The following C11orf65 variants were observed in gnomAD, a reference collection of about 807,000 sequenced individuals.
C11orf65 encodes the protein protein MFI.
In C11orf65, 38 loss-of-function variants were observed where a neutral mutation model predicts 35.3. The observed-to-expected ratio is 1.08, with a 90% CI of 0.83 to 1.41. C11orf65 has a LOEUF of 1.41. Ranked by LOEUF, C11orf65 falls within the 40% of genes most tolerant of loss-of-function variation. The pLI, the probability that C11orf65 is intolerant of heterozygous loss-of-function variation, is 0.00. For missense variants in C11orf65, 370 were observed against 367.1 expected (o/e 1.01, Z -0.06); for synonymous variants, 105 against 114.4 (o/e 0.92, Z 0.53).
chr11:108,391,731 A>G (rs1373839933), intron 7 of C11orf65, among the ~76,000 whole-genome samples: 3 of 151,128 alleles, frequency 2.0e-5, no homozygotes, highest in Admixed American at 1.3e-4. Context: ...CCTGCACCCC[A>G]TAGCCACCAC....
chr11:108,422,459 T>C (rs2092833536), intron 3 of C11orf65, among the ~76,000 whole-genome samples: 1 of 152,200 alleles, frequency 6.6e-6, no homozygotes, highest in South Asian at 2.1e-4. Flanking sequence ...AATAGACCAA[T>C]GGAACAGACC....
At chr11:108,406,246 TTAAA>T (rs1361571332) in intron 5 of C11orf65, among the ~76,000 whole-genome samples, 1 of 152,264 alleles carries the variant, frequency 6.6e-6, no homozygotes, top group African/African-American at 2.4e-5. Context: ...TAGTTTATTA[TTAAA>T]CAAATGAATG....
chr11:108,377,513 C>G (rs1337268090), intron 2 of C11orf65, among the ~76,000 whole-genome samples: 6 of 152,234 alleles, frequency 3.9e-5, no homozygotes, highest in East Asian at 1.9e-4. Context: ...GACAGTCCCA[C>G]AGCCAATATC....
At chr11:108,331,736 CT>C in intron 3 of C11orf65, 1 of 1,287,122 alleles carries the variant, frequency 7.8e-7, no homozygotes, top group Non-Finnish European at 1.1e-6. Context: ...AGGCCTCTGC[CT>C]TTTTCTCACA....
chr11:108,333,100 A>G (rs747476611), intron 3 of C11orf65, among the ~76,000 whole-genome samples: 4 of 152,184 alleles, frequency 2.6e-5, no homozygotes, highest in Non-Finnish European at 4.4e-5. Context: ...ATAGGTGACT[A>G]CACTAAATTA....
At chr11:108,349,513 A>T (rs943481677) in intron 2 of C11orf65, among the ~76,000 whole-genome samples, 1 of 152,168 alleles carries the variant, frequency 6.6e-6, no homozygotes, top group Non-Finnish European at 1.5e-5. Flanking sequence ...AATACAAAAA[A>T]TTAGCCGGGC....
intron 2 of C11orf65, chr11:108,368,483 T>A (rs1169866522): frequency 2.3e-5 from 5 of 213,942 alleles, no homozygotes; most frequent in Non-Finnish European, 4.7e-5. Flanking sequence ...AGTGATACTA[T>A]CCCAATACAC....
In C11orf65 at chr11:108,321,334, C is replaced by G. The variant is rs138166710; in HGVS notation, c.641-12263G>C. On this transcript the variant is annotated intron_variant, in intron 6 of 6. Transcript: ENST00000525729. ...AAGTGGAAGAGATGTGTAAGCGCAG[C>G]CTTGAGTCTGTGTATTCGCTCTATC... The G allele has an allele frequency of 6.2e-7, 1 of 1,614,140 alleles. No individual in the cohort carries two copies. Among genetic ancestry groups the G allele is most frequent in the Non-Finnish European group, 8.5e-7 (1 of 1,180,002 alleles).
At chr11:108,407,931 CAAAAAAA>C (rs1215650401) in intron 3 of C11orf65, among the ~76,000 whole-genome samples, 4 of 22,674 alleles carry the variant, frequency 1.8e-4, no homozygotes, top group Admixed American at 5.5e-4. Context: ...GACTCTGTCT[CAAAAAAA>C]AAAAAAAAAA....
intron 2 of C11orf65, chr11:108,368,189 TGACA>T (rs1178571809): frequency 1.5e-5 from 3 of 205,718 alleles, no homozygotes; most frequent in Admixed American, 6.0e-5. Flanking sequence ...AATTCACAGA[TGACA>T]GAATTAAGAT....
chr11:108,365,381 A>G lies in C11orf65; in HGVS notation c.226+27827T>C, dbSNP rs1565609065. 2 of 1,614,206 alleles carry G rather than the reference A, an allele frequency of 1.2e-6. No individual in the cohort carries two copies. Among genetic ancestry groups the G allele is most frequent in the Non-Finnish European group, 1.7e-6 (2 of 1,180,040 alleles). ...GAACGTGTCTTAATGAGACTACAAG[A>G]GAAACTGAAAGGAGTGGAAGAAGGC... On this transcript the variant is annotated intron_variant, in intron 2 of 3. Transcript: ENST00000524755.
At chr11:108,336,105 T>TTG in intron 2 of C11orf65, 1 of 634,326 alleles carries the variant, frequency 1.6e-6, no homozygotes, top group Non-Finnish European at 2.8e-6. Flanking sequence ...GAGACCAGCC[T>TTG]CAGCAACATA....
intron 3 of C11orf65, among the ~76,000 whole-genome samples, chr11:108,409,450 GACT>G (rs1405198275): frequency 3.9e-5 from 6 of 152,200 alleles, no homozygotes; most frequent in Admixed American, 2.0e-4. Context: ...TTACAATTTT[GACT>G]ACAATGGTGT....
chr11:108,344,380 A>G (rs1348826485), intron 2 of C11orf65, among the ~76,000 whole-genome samples: 1 of 152,210 alleles, frequency 6.6e-6, no homozygotes, highest in East Asian at 1.9e-4. Flanking sequence ...ATGAGCAGGA[A>G]AAGACAACAT....
intron 7 of C11orf65, among the ~76,000 whole-genome samples, chr11:108,390,895 G>A (rs1269035577): frequency 6.6e-6 from 1 of 151,994 alleles, no homozygotes; most frequent in African/African-American, 2.4e-5. Flanking sequence ...CATCTACTAT[G>A]GACACTTAGT....
At chr11:108,354,737 G>C (rs1441321117) in intron 2 of C11orf65, 1 of 1,233,782 alleles carries the variant, frequency 8.1e-7, no homozygotes, top group Non-Finnish European at 1.2e-6. Flanking sequence ...CTACACATGA[G>C]AGTATACAGA....
At chr11:108,311,049 C>T (rs2136035739) in intron 6 of C11orf65, among the ~76,000 whole-genome samples, 1 of 152,280 alleles carries the variant, frequency 6.6e-6, no homozygotes, top group African/African-American at 2.4e-5. Context: ...CTCACTGTAG[C>T]CTTGATCTTC....
chr11:108,441,626 C>T (rs899491598), intron 2 of C11orf65, among the ~76,000 whole-genome samples: 1 of 152,180 alleles, frequency 6.6e-6, no homozygotes, highest in Admixed American at 6.5e-5. Context: ...GACAAAGCTT[C>T]CGGAGGAAGG....
At chr11:108,381,095 G>A (rs2091856943), downstream of C11orf65, among the ~76,000 whole-genome samples, 1 of 152,154 alleles carries the variant, frequency 6.6e-6, no homozygotes, top group African/African-American at 2.4e-5. Context: ...AGCTAGGTTG[G>A]AGCATTTTCC....
Sources: gnomAD v4.1 joint callset for allele counts (sites outside exome capture counted in the v4.1 genomes callset) on GRCh38, gnomAD v4.1.1 for gene constraint, MANE v1.5 for transcripts, NCBI Gene and HGNC (gene_info 2026-07-23, HGNC 2026-07-21) for gene names.